The following KDM2B variants were observed in gnomAD, a reference collection of about 807,000 sequenced individuals.
KDM2B encodes lysine demethylase 2B, also known as lysine-specific demethylase 2B.
A neutral mutation model predicts 150.0 loss-of-function variants in KDM2B; 26 were observed. That is an observed-to-expected ratio of 0.17 (90% CI 0.13 to 0.24). The LOEUF is 0.24. Among genes scored for constraint, KDM2B ranks in the 10% least tolerant of loss-of-function variants. KDM2B has a pLI of 1.00. For synonymous variants in KDM2B, 734 were observed against 729.5 expected, an observed-to-expected ratio of 1.01 and a Z score of -0.10; for missense variants, 1,265 against 1,816.9, an observed-to-expected ratio of 0.70 and a Z score of 5.52.
At chr12:121,420,310 TGAA>T in the KDM2B span, 100 of 1,579,670 alleles carry the variant, frequency 6.3e-5, no homozygotes, top group African/African-American at 5.3e-4. Flanking sequence ...ATGATGATGA[TGAA>T]GAAGAAAACG....
intron 9 of KDM2B, chr12:121,516,306 T>G: frequency 2.7e-6 from 1 of 367,064 alleles, no homozygotes; most frequent in Non-Finnish European, 5.0e-6. Flanking sequence ...GGGCTGCACT[T>G]CAGGAGGGAA....
intron 4 of KDM2B, among the ~76,000 whole-genome samples, chr12:121,567,446 C>T (rs575704429): frequency 4.0e-4 from 61 of 152,238 alleles, no homozygotes; most frequent in African/African-American, 1.4e-3. Flanking sequence ...CTGTGGCTCA[C>T]GCATGCAATT....
chr12:121,503,170 G>T (rs1175921958), intron 11 of KDM2B, among the ~76,000 whole-genome samples: 2 of 151,854 alleles, frequency 1.3e-5, no homozygotes, highest in African/African-American at 2.4e-5. Context: ...TAGAGATGGG[G>T]TTTTGCCATG....
chr12:121,494,682 C>T lies in KDM2B; in HGVS notation c.1648-17G>A. 6.2e-7 allele frequency: 1 copy of T among 1,600,528 alleles called. No individual in the cohort carries two copies. Among genetic ancestry groups the T allele is most frequent in the South Asian group, 1.1e-5 (1 of 89,488 alleles). On this transcript the variant is annotated splice_polypyrimidine_tract_variant and intron_variant, in intron 11 of 22. Coordinates refer to ENST00000377071, the MANE Select transcript of KDM2B (RefSeq NM_032590.5). ...CAGGACGTTCTGTGGCCAAACAAAG[C>T]ATCCATATTAGCCCAGGGGGAAGGG...
chr12:121,484,112 C>T (rs1480481938), intron 12 of KDM2B, among the ~76,000 whole-genome samples: 1 of 152,184 alleles, frequency 6.6e-6, no homozygotes, highest in Non-Finnish European at 1.5e-5. Flanking sequence ...TACCCCGCCT[C>T]CCTCTCCTCC....
rs1287909352 is a variant in KDM2B at position 121,571,842 on chromosome 12, G to T, written c.397+2705C>A. ...ATTTTTTGTATTTTTTAGTGGAGAC[G>T]GAGTTTCACCATGTTGGCCAGGCTG... is the stretch of plus-strand genomic sequence containing the variant. On this transcript the variant is annotated intron_variant, in intron 4 of 22. Coordinates refer to ENST00000377071, the MANE Select transcript of KDM2B (RefSeq NM_032590.5). Among the ~76,000 whole-genome samples, 3 of 151,556 alleles carry T rather than the reference G, an allele frequency of 2.0e-5. No homozygotes were observed. The South Asian group carries it at 6.2e-4, about 32-fold the overall frequency.
In KDM2B at chr12:121,444,118, G is replaced by C. The variant is rs201906178; in HGVS notation, c.2345C>G (p.Ser782Trp). 5.0e-6 allele frequency: 8 copies of C among 1,613,416 alleles called. No individual in the cohort carries two copies. The highest frequency in any genetic ancestry group is 5.9e-6 in the Non-Finnish European group (7 of 1,180,032). The stretch of plus-strand genomic sequence containing the variant: ...AAGGCCGTCCGGCGGCACCTTCTTC[G>C]AGTGCTCATCCGACCTGCGCCGGGG... ...EAPRRRSDEH[S>W]KKVPPDGLLR... The change falls in exon 16 of 23, where the codon TCG becomes TGG. Residue 782 changes from serine (S) to tryptophan (W), a missense_variant. Physicochemically the swap from Ser to Trp is radical, Grantham distance 177. Coordinates refer to ENST00000377071, the MANE Select transcript of KDM2B (RefSeq NM_032590.5).
chr12:121,510,619 C>G (rs1885503830), intron 10 of KDM2B, among the ~76,000 whole-genome samples: 1 of 151,904 alleles, frequency 6.6e-6, no homozygotes, highest in Non-Finnish European at 1.5e-5. Flanking sequence ...ACAGTGAAAC[C>G]CCATCTCTAC....
At chr12:121,416,362 A>C in the KDM2B span, 2 of 1,612,074 alleles carry the variant, frequency 1.2e-6, no homozygotes, top group East Asian at 2.2e-5. Flanking sequence ...TTTCATTTTC[A>C]GTCTTTAGAA....
rs545797147 is a variant in KDM2B at position 121,446,211 on chromosome 12, C to A, written c.1960-793G>T. Among the ~76,000 whole-genome samples, 4 of 152,226 alleles carry A rather than the reference C, an allele frequency of 2.6e-5. No individual in the cohort carries two copies. The South Asian group carries it at 6.2e-4, about 24-fold the overall frequency. On this transcript the variant is annotated intron_variant, in intron 13 of 22. Transcript: ENST00000377071. ...GAGATCGAGACCATCCCGGCTACCACGGTGAAACCCCGTCTCTACTAAAAA... is the reference window on the plus strand; with the variant it reads ...GAGATCGAGACCATCCCGGCTACCAAGGTGAAACCCCGTCTCTACTAAAAA...
intron 22 of KDM2B, 137 bp downstream of exon 22, chr12:121,439,720 G>T: frequency 2.9e-6 from 2 of 682,918 alleles, no homozygotes; most frequent in Non-Finnish European, 2.6e-6. Context: ...CCCTGGACTG[G>T]GCTGTCTGTC....
At chr12:121,559,542 C>T (rs752819735) in intron 4 of KDM2B, among the ~76,000 whole-genome samples, 1 of 152,118 alleles carries the variant, frequency 6.6e-6, no homozygotes, top group Non-Finnish European at 1.5e-5. Context: ...ACGGTGATAG[C>T]AACAGAGGGG....
chr12:121,493,156 C>T (rs1008053841), intron 12 of KDM2B, among the ~76,000 whole-genome samples: 4 of 150,430 alleles, frequency 2.7e-5, no homozygotes, highest in South Asian at 2.1e-4. Context: ...GATCCTCCCC[C>T]CTCAGCTTCT....
At position 121,453,055 on chromosome 12, in the gene KDM2B, CA is replaced by C. The variant is rs1462056941; in HGVS notation, c.1959+64del. ...AGGGGCGGCCAGAGCGAGCAGCGGT[CA>C]GACACGCGGGCCGGCACGCAGGGGC... is the stretch of plus-strand genomic sequence containing the variant. On this transcript the variant is annotated intron_variant, in intron 13 of 22. Coordinates refer to ENST00000377071, the MANE Select transcript of KDM2B (RefSeq NM_032590.5). The surrounding 1 kb of genome is among the most constrained non-coding windows in gnomAD (Gnocchi z 6.4). 1.5e-6 allele frequency: 2 copies of C among 1,376,272 alleles called. No individual in the cohort carries two copies. The highest frequency in any genetic ancestry group is 4.4e-5 in the Admixed American group (2 of 44,996). 85.3% of individuals were successfully genotyped at this position (1,376,272 alleles called of 1,614,324 possible). A position where few individuals can be genotyped will look rare whatever the true frequency, so the allele number is the denominator to read the frequency against.
In KDM2B at chr12:121,575,665, A is replaced by G; in HGVS notation, c.350+116T>C. The G allele has an allele frequency of 1.3e-6, 1 of 786,936 alleles. No homozygotes were observed. Among genetic ancestry groups the G allele is most frequent in the South Asian group, 1.5e-5 (1 of 66,642 alleles). The allele number at this position is 786,936 out of a possible 1,614,324, so 48.7% of individuals were successfully genotyped here. On this transcript the variant is annotated intron_variant, in intron 3 of 22. Coordinates refer to ENST00000377071, the MANE Select transcript of KDM2B (RefSeq NM_032590.5). The surrounding 1 kb of genome is among the most constrained non-coding windows in gnomAD (Gnocchi z 4.4). ...AGGAGATGCTGTTCCCAGATCGTGAAAAAAGATCCTTCTCAGTGATGAGAG... is the reference window on the plus strand; with the variant it reads ...AGGAGATGCTGTTCCCAGATCGTGAGAAAAGATCCTTCTCAGTGATGAGAG...
chr12:121,441,255 A>ACACAT, intron 19 of KDM2B, 22 bp from the exon 20 acceptor site: 1 of 1,610,146 alleles, frequency 6.2e-7, no homozygotes, highest in South Asian at 1.1e-5. Context: ...CCCCGTGGGG[A>ACACAT]CACATCGTCA....
chr12:121,432,842 G>T (rs1873288801), intron 22 of KDM2B, among the ~76,000 whole-genome samples: 1 of 152,208 alleles, frequency 6.6e-6, no homozygotes, highest in Non-Finnish European at 1.5e-5. Flanking sequence ...CCCCTGTAAT[G>T]TTTGCCTAGT....
At chr12:121,440,159 C>T in intron 21 of KDM2B, 84 bp from the exon 22 acceptor site, 1 of 942,034 alleles carries the variant, frequency 1.1e-6, no homozygotes, top group South Asian at 1.5e-5. Context: ...AAAAGGCCCA[C>T]CAGCCAGACA....
At chr12:121,487,793 CTTT>C (rs1248100789) in intron 12 of KDM2B, among the ~76,000 whole-genome samples, 17 of 135,718 alleles carry the variant, frequency 1.3e-4, no homozygotes, top group Admixed American at 7.4e-5. Context: ...GAAGCAGCTT[CTTT>C]TTTTTTTTTT....
Sources: gnomAD v4.1 joint callset for allele counts (sites outside exome capture counted in the v4.1 genomes callset) on GRCh38, gnomAD v4.1.1 for gene constraint, Gnocchi (gnomAD v3.1) non-coding constraint, MANE v1.5 for transcripts, NCBI Gene and HGNC (gene_info 2026-07-23, HGNC 2026-07-21) for gene names.